IMMP2L: variants seen among roughly 807,000 people sequenced by gnomAD.
The protein encoded by IMMP2L is inner mitochondrial membrane peptidase subunit 2.
Under a neutral mutation model 19.3 loss-of-function variants are expected in IMMP2L, and 18 were observed. The ratio of observed to expected loss-of-function variants is 0.93; its 90% CI spans 0.64 to 1.38. The LOEUF (loss-of-function observed/expected upper bound fraction) is 1.38, where lower values mean the gene tolerates loss of function less well. IMMP2L is among the 40% of genes most tolerant of loss of function. IMMP2L has a pLI of 0.00. For missense variants in IMMP2L, 233 were observed against 218.2 expected (o/e 1.07, Z -0.43); for synonymous variants, 76 against 73.0 (o/e 1.04, Z -0.21).
intron 3 of IMMP2L, among the ~76,000 whole-genome samples, chr7:111,243,215 A>T (rs537057138): frequency 6.6e-6 from 1 of 152,170 alleles, no homozygotes; most frequent in East Asian, 1.9e-4. Flanking sequence ...CATATTCTGA[A>T]TGTGAAGTAT....
intron 3 of IMMP2L, among the ~76,000 whole-genome samples, chr7:111,068,843 A>G (rs1437856981): frequency 6.6e-6 from 1 of 152,210 alleles, no homozygotes; most frequent in African/African-American, 2.4e-5. Context: ...TAGAAATGAC[A>G]TGTCAGAAGC....
intron 3 of IMMP2L, among the ~76,000 whole-genome samples, chr7:111,102,284 T>A (rs1208367183): frequency 6.6e-6 from 1 of 151,418 alleles, no homozygotes; most frequent in Non-Finnish European, 1.5e-5. Context: ...TCCTGTCAAA[T>A]CATTCTTTTT....
intron 3 of IMMP2L, among the ~76,000 whole-genome samples, chr7:111,035,779 T>C (rs561325709): frequency 6.6e-6 from 1 of 152,258 alleles, no homozygotes; most frequent in African/African-American, 2.4e-5. Context: ...GAGGAGTCCT[T>C]CTTAACTATC....
chr7:110,901,688 T>C (rs1811879555), intron 4 of IMMP2L, among the ~76,000 whole-genome samples: 2 of 152,218 alleles, frequency 1.3e-5, no homozygotes. Flanking sequence ...GATACAGATA[T>C]TGCATATAAG....
intron 3 of IMMP2L, among the ~76,000 whole-genome samples, chr7:111,180,167 T>C (rs556078558): frequency 6.6e-6 from 1 of 152,196 alleles, no homozygotes; most frequent in Admixed American, 6.6e-5. Context: ...ATTTACAACT[T>C]CACTAACTGG....
At chr7:111,265,435 T>C (rs1817729346) in intron 3 of IMMP2L, among the ~76,000 whole-genome samples, 1 of 152,180 alleles carries the variant, frequency 6.6e-6, no homozygotes, top group Non-Finnish European at 1.5e-5. Flanking sequence ...TTTGGAGCAG[T>C]GATAATTTGT....
At chr7:111,044,934 G>A (rs1396085673) in intron 3 of IMMP2L, among the ~76,000 whole-genome samples, 1 of 151,896 alleles carries the variant, frequency 6.6e-6, no homozygotes, top group Non-Finnish European at 1.5e-5. Context: ...TGGACTTAAG[G>A]CAGCTAACAG....
intron 3 of IMMP2L, among the ~76,000 whole-genome samples, chr7:111,459,893 A>T (rs1011551367): frequency 3.9e-5 from 6 of 152,196 alleles, no homozygotes; most frequent in Non-Finnish European, 8.8e-5. Flanking sequence ...AAATTGCTAA[A>T]GTCTGGAAAG....
At chr7:111,199,166 C>A (rs1442370061) in intron 3 of IMMP2L, among the ~76,000 whole-genome samples, 1 of 151,964 alleles carries the variant, frequency 6.6e-6, no homozygotes. Context: ...TTTATTCTGC[C>A]ACCATTTTAC....
intron 5 of IMMP2L, among the ~76,000 whole-genome samples, chr7:110,701,188 A>C (rs1271059121): frequency 6.6e-6 from 1 of 152,168 alleles, no homozygotes; most frequent in East Asian, 1.9e-4. Flanking sequence ...ACCCTAACCT[A>C]TCATAGTGTA....
rs570083881 is a variant in IMMP2L, at chr7:111,456,971, CTCTCT to C, written c.239+30262_239+30266del. ...ATCCCATGCCTAGATTTCCTTCCCT[CTCTCT>C]TCTCTTACCTACTACATGATACTTG... On this transcript the variant is annotated intron_variant, in intron 3 of 5. Transcript: ENST00000405709. Among the ~76,000 whole-genome samples, 246 of 39,428 alleles carry C rather than the reference CTCTCT, an allele frequency of 6.2e-3. 4 individuals are homozygous for C. Among genetic ancestry groups the C allele is most frequent in the African/African-American group, 0.024 (218 of 8,948 alleles). The allele number at this position is 39,428 out of a possible 152,430, so 25.9% of individuals were successfully genotyped here.
At chr7:111,547,254 C>G (rs1849010546) in intron 1 of IMMP2L, among the ~76,000 whole-genome samples, 1 of 152,100 alleles carries the variant, frequency 6.6e-6, no homozygotes, top group African/African-American at 2.4e-5. Context: ...TAGAATGCTA[C>G]AGAAAGGTGA....
chr7:111,238,298 T>C (rs1031632086), intron 3 of IMMP2L, among the ~76,000 whole-genome samples: 8 of 151,836 alleles, frequency 5.3e-5, no homozygotes, highest in Admixed American at 2.0e-4. Context: ...ATTCACCCTA[T>C]GGAACCTGTA....
intron 4 of IMMP2L, among the ~76,000 whole-genome samples, chr7:110,913,859 C>T (rs554818605): frequency 6.6e-6 from 1 of 152,214 alleles, no homozygotes; most frequent in South Asian, 2.1e-4. Flanking sequence ...TAATGACTTC[C>T]CATTGAAACT....
intron 3 of IMMP2L, among the ~76,000 whole-genome samples, chr7:111,145,460 C>A (rs946724947): frequency 1.3e-5 from 2 of 151,978 alleles, no homozygotes; most frequent in African/African-American, 2.4e-5. Context: ...TTATCGGAGA[C>A]CAAACAAAAG....
Position 111,492,067 on chromosome 7 carries a change from T to C in IMMP2L, c.136-4726A>G, listed in dbSNP as rs1179920161. 3.3e-5 allele frequency among the ~76,000 whole-genome samples: 5 copies of C among 152,212 alleles called. No homozygotes were observed. In the East Asian group the frequency reaches 9.6e-4, roughly 29 times the overall value. ...CAGCCTATGATTATTTCTATAATAA[T>C]ATTTAAATATGCATTATAATCACTC... is the stretch of plus-strand genomic sequence containing the variant. On this transcript the variant is annotated intron_variant, in intron 2 of 5. Coordinates refer to ENST00000405709, the MANE Select transcript of IMMP2L (RefSeq NM_032549.4).
intron 4 of IMMP2L, among the ~76,000 whole-genome samples, chr7:110,960,703 T>C (rs1290131345): frequency 1.3e-5 from 2 of 151,844 alleles, no homozygotes; most frequent in Non-Finnish European, 2.9e-5. Context: ...TAGTTTAGAA[T>C]GTACATTCTA....
At chr7:111,101,432 A>G (rs1797963210) in intron 3 of IMMP2L, among the ~76,000 whole-genome samples, 1 of 151,538 alleles carries the variant, frequency 6.6e-6, no homozygotes, top group Non-Finnish European at 1.5e-5. Context: ...AATCTGTGAG[A>G]GTAACACCTA....
chr7:111,436,558 AC>A (rs1406686243), intron 3 of IMMP2L, among the ~76,000 whole-genome samples: 1 of 151,746 alleles, frequency 6.6e-6, no homozygotes, highest in Non-Finnish European at 1.5e-5. Context: ...ATATATGAAT[AC>A]TTTTTAAACA....
Sources: allele counts gnomAD v4.1 joint callset (sites outside exome capture counted in the v4.1 genomes callset), GRCh38; gene constraint gnomAD v4.1.1; transcripts MANE v1.5; gene names NCBI Gene and HGNC (gene_info 2026-07-23, HGNC 2026-07-21).